Variants in HS6ST3 observed in about 807,000 individuals in gnomAD.
The protein encoded by HS6ST3 is heparan sulfate 6-O-sulfotransferase 3.
In HS6ST3, 12 loss-of-function variants were observed where a neutral mutation model predicts 36.7. The ratio of observed to expected loss-of-function variants is 0.33; its 90% CI spans 0.21 to 0.53. HS6ST3 has a LOEUF of 0.53. HS6ST3 is among the 20% of genes least tolerant of loss of function. HS6ST3 has a pLI of 0.95. For synonymous variants in HS6ST3, 240 were observed against 257.5 expected (o/e 0.93, Z 0.65); for missense variants, 584 against 640.9 (o/e 0.91, Z 0.96).
intron 1 of HS6ST3, among the ~76,000 whole-genome samples, chr13:96,421,123 A>G (rs1377652225): frequency 6.6e-6 from 1 of 152,196 alleles, no homozygotes; most frequent in Non-Finnish European, 1.5e-5. Flanking sequence ...TATTAAAGCT[A>G]ATAACAAATG....
intron 1 of HS6ST3, among the ~76,000 whole-genome samples, chr13:96,712,730 A>G (rs938943090): frequency 2.0e-4 from 31 of 152,234 alleles, no homozygotes; most frequent in African/African-American, 7.5e-4. Context: ...CAGCCCAGAA[A>G]GGCTTTCCAA....
chr13:96,629,872 A>G (rs2056526064), intron 1 of HS6ST3, among the ~76,000 whole-genome samples: 1 of 152,020 alleles, frequency 6.6e-6, no homozygotes, highest in Admixed American at 6.6e-5. Flanking sequence ...GCTCCCCTAG[A>G]AATATCAGGT....
chr13:96,438,030 G>A (rs1460808484), intron 1 of HS6ST3, among the ~76,000 whole-genome samples: 1 of 152,168 alleles, frequency 6.6e-6, no homozygotes, highest in African/African-American at 2.4e-5. Context: ...CTCGCTGGGG[G>A]ACATTCTATT....
At chr13:96,380,264 C>CT (rs33958530) in intron 1 of HS6ST3, among the ~76,000 whole-genome samples, 14 of 136,254 alleles carry the variant, frequency 1.0e-4, no homozygotes, top group East Asian at 4.2e-4. Flanking sequence ...TAAGTTAGCA[C>CT]TTTTTTTTTT....
intron 1 of HS6ST3, among the ~76,000 whole-genome samples, chr13:96,121,792 C>A (rs1007787313): frequency 3.9e-5 from 6 of 152,152 alleles, no homozygotes; most frequent in South Asian, 2.1e-4. Flanking sequence ...CCCAATGACT[C>A]CATGAAATTC....
intron 1 of HS6ST3, among the ~76,000 whole-genome samples, chr13:96,167,000 T>C (rs115434444): frequency 0.011 from 1,636 of 152,256 alleles, 34 homozygotes; most frequent in African/African-American, 0.038. Flanking sequence ...TCCCACATGA[T>C]TGTAAGTTTC....
In HS6ST3 at chr13:96,352,117, G is replaced by A. The variant is rs138646265; in HGVS notation, c.707+260548G>A. On this transcript the variant is annotated intron_variant, in intron 1 of 1. Coordinates refer to ENST00000376705, the MANE Select transcript of HS6ST3 (RefSeq NM_153456.4). ...GAGGAGGTCCATTCTATGTAAATGA[G>A]TCTTTAAACTCAATGCCTTTCTAAT... 7.0e-4 allele frequency among the ~76,000 whole-genome samples: 107 copies of A among 152,324 alleles called. 2 individuals are homozygous for A. Among genetic ancestry groups the A allele is most frequent in the African/African-American group, 2.5e-3 (102 of 41,586 alleles).
intron 1 of HS6ST3, among the ~76,000 whole-genome samples, chr13:96,224,600 C>T (rs2139364321): frequency 6.6e-6 from 1 of 152,330 alleles, no homozygotes; most frequent in African/African-American, 2.4e-5. Flanking sequence ...TAGGCGTGAG[C>T]CATCACAGCC....
chr13:96,725,118 C>T (rs1467946455), intron 1 of HS6ST3, among the ~76,000 whole-genome samples: 1 of 152,182 alleles, frequency 6.6e-6, no homozygotes, highest in Non-Finnish European at 1.5e-5. Context: ...TTTGAATTTT[C>T]CTAATGACTA....
At chr13:96,372,319 T>G (rs2055293903) in intron 1 of HS6ST3, among the ~76,000 whole-genome samples, 1 of 152,204 alleles carries the variant, frequency 6.6e-6, no homozygotes, top group Admixed American at 6.5e-5. Flanking sequence ...CATTTTATAA[T>G]AGGGCTTTTT....
intron 1 of HS6ST3, among the ~76,000 whole-genome samples, chr13:96,261,971 T>C (rs2054668696): frequency 6.6e-6 from 1 of 152,306 alleles, no homozygotes; most frequent in African/African-American, 2.4e-5. Context: ...ACCGCTTTTG[T>C]AGAGGTACAA....
At chr13:96,334,602 G>A (rs1255452966) in intron 1 of HS6ST3, among the ~76,000 whole-genome samples, 1 of 152,194 alleles carries the variant, frequency 6.6e-6, no homozygotes, top group African/African-American at 2.4e-5. Context: ...GGAAGTCAAG[G>A]AGGAGCAATT....
chr13:96,497,177 A>G (rs1186678757), intron 1 of HS6ST3, among the ~76,000 whole-genome samples: 1 of 152,112 alleles, frequency 6.6e-6, no homozygotes, highest in Non-Finnish European at 1.5e-5. Context: ...AGAGGACAGG[A>G]AAAGGGAGCC....
In HS6ST3 at chr13:96,258,579, T is replaced by C. The variant is rs1006816661; in HGVS notation, c.707+167010T>C. Among the ~76,000 whole-genome samples the C allele has an allele frequency of 2.6e-5, 4 of 152,118 alleles. 1 individual carries two copies. The highest frequency in any genetic ancestry group is 9.7e-5 in the African/African-American group (4 of 41,430). On this transcript the variant is annotated intron_variant, in intron 1 of 1. Coordinates refer to ENST00000376705, the MANE Select transcript of HS6ST3 (RefSeq NM_153456.4). Reference sequence around the variant, plus strand: ...CAGTCAGAGTAAAGATTAAACAAGATCATGTTTGTCAGAGCAATGGGCACT... The same window carrying C: ...CAGTCAGAGTAAAGATTAAACAAGACCATGTTTGTCAGAGCAATGGGCACT...
At chr13:96,471,947 T>G (rs990886020) in intron 1 of HS6ST3, among the ~76,000 whole-genome samples, 1 of 152,156 alleles carries the variant, frequency 6.6e-6, no homozygotes, top group Admixed American at 6.5e-5. Flanking sequence ...TTGGGTTTGG[T>G]GCTTCTTCAA....
At chr13:96,627,109 G>T (rs1198912793) in intron 1 of HS6ST3, among the ~76,000 whole-genome samples, 3 of 151,938 alleles carry the variant, frequency 2.0e-5, no homozygotes. Context: ...TCCTTGTTCT[G>T]TTCTGACCTT....
chr13:96,471,244 C>T (rs565975252), intron 1 of HS6ST3, among the ~76,000 whole-genome samples: 13 of 152,278 alleles, frequency 8.5e-5, no homozygotes, highest in African/African-American at 2.6e-4. Flanking sequence ...ATGTCCTCTG[C>T]CTTCAGGGGC....
intron 1 of HS6ST3, among the ~76,000 whole-genome samples, chr13:96,659,115 G>A (rs942574625): frequency 7.2e-5 from 11 of 152,206 alleles, no homozygotes; most frequent in East Asian, 1.9e-4. Context: ...TGAAGTTGAT[G>A]CAGCAGTTTA....
At chr13:96,589,777 T>G (rs1459249592) in intron 1 of HS6ST3, among the ~76,000 whole-genome samples, 3 of 152,110 alleles carry the variant, frequency 2.0e-5, no homozygotes, top group Admixed American at 1.3e-4. Flanking sequence ...ATACTAGGTC[T>G]TATTCATTCT....
Sources: allele counts gnomAD v4.1 joint callset (sites outside exome capture counted in the v4.1 genomes callset), GRCh38; gene constraint gnomAD v4.1.1; transcripts MANE v1.5; gene names NCBI Gene and HGNC (gene_info 2026-07-23, HGNC 2026-07-21).